The following DRC11 variants were observed in gnomAD, a reference collection of about 807,000 sequenced individuals.
DRC11 encodes IQ and AAA domain-containing protein 1.
chr2:236,423,779 T>G, the DRC11 span, among the ~76,000 whole-genome samples: 5 of 152,140 alleles, frequency 3.3e-5, no homozygotes, highest in Non-Finnish European at 7.3e-5. Context: ...CTATTCACTA[T>G]AGCAAAGACT....
At chr2:236,340,990 A>G in the DRC11 span, among the ~76,000 whole-genome samples, 2 of 152,146 alleles carry the variant, frequency 1.3e-5, no homozygotes, top group African/African-American at 4.8e-5. Flanking sequence ...CCATCATGCC[A>G]GCAAACCACC....
At chr2:236,440,394 G>A in the DRC11 span, among the ~76,000 whole-genome samples, 2 of 152,108 alleles carry the variant, frequency 1.3e-5, no homozygotes, top group African/African-American at 4.8e-5. Flanking sequence ...TGCCTCTAAT[G>A]CCTCATCATT....
the DRC11 span, among the ~76,000 whole-genome samples, chr2:236,430,977 AT>A: frequency 6.6e-6 from 1 of 152,094 alleles, no homozygotes; most frequent in Non-Finnish European, 1.5e-5. The surrounding 1 kb of genome is among the most constrained non-coding windows in gnomAD (Gnocchi z 6.0). Flanking sequence ...GTCAGCCATC[AT>A]TTTTTTGGGC....
At chr2:236,355,896 A>G in the DRC11 span, among the ~76,000 whole-genome samples, 3 of 152,080 alleles carry the variant, frequency 2.0e-5, no homozygotes, top group Non-Finnish European at 4.4e-5. Context: ...CTCTGCTGAC[A>G]CCTGGACTAG....
chr2:236,418,785 C>G, the DRC11 span, among the ~76,000 whole-genome samples: 28 of 152,162 alleles, frequency 1.8e-4, no homozygotes, highest in African/African-American at 5.3e-4. Context: ...TTTTGACTTT[C>G]CAGTGTTTAC....
the DRC11 span, among the ~76,000 whole-genome samples, chr2:236,468,995 T>C: frequency 1.3e-5 from 2 of 152,184 alleles, no homozygotes; most frequent in Non-Finnish European, 2.9e-5. Context: ...TAAAAATGAA[T>C]GAATGAGCAG....
chr2:236,470,490 G>C, the DRC11 span, among the ~76,000 whole-genome samples: 1 of 152,220 alleles, frequency 6.6e-6, no homozygotes, highest in East Asian at 1.9e-4. The surrounding 1 kb of genome is among the most constrained non-coding windows in gnomAD (Gnocchi z 5.1). Context: ...CAGATCATTG[G>C]GCTCGCCACA....
At chr2:236,338,076 C>A in the DRC11 span, 2 of 816,610 alleles carry the variant, frequency 2.4e-6, no homozygotes, top group Non-Finnish European at 3.8e-6. Context: ...GGTGCACACA[C>A]CCCACCGGGT....
At chr2:236,388,883 G>C in the DRC11 span, among the ~76,000 whole-genome samples, 1 of 152,074 alleles carries the variant, frequency 6.6e-6, no homozygotes, top group African/African-American at 2.4e-5. Context: ...TTCTAACAGA[G>C]AGGACCCTCA....
At chr2:236,499,074 C>T in the DRC11 span, among the ~76,000 whole-genome samples, 5 of 152,262 alleles carry the variant, frequency 3.3e-5, no homozygotes, top group Non-Finnish European at 5.9e-5. The surrounding 1 kb of genome is among the most constrained non-coding windows in gnomAD (Gnocchi z 4.7). Context: ...AGAAGCAAGC[C>T]GGTCAAGGGG....
At chr2:236,369,706 C>T in the DRC11 span, among the ~76,000 whole-genome samples, 8 of 152,168 alleles carry the variant, frequency 5.3e-5, no homozygotes, top group Non-Finnish European at 8.8e-5. The surrounding 1 kb of genome is among the most constrained non-coding windows in gnomAD (Gnocchi z 4.5). Context: ...ACAAGTAGCC[C>T]CGGCTGCCTG....
At chr2:236,348,707 T>C in the DRC11 span, among the ~76,000 whole-genome samples, 1 of 152,188 alleles carries the variant, frequency 6.6e-6, no homozygotes, top group Non-Finnish European at 1.5e-5. The surrounding 1 kb of genome is among the most constrained non-coding windows in gnomAD (Gnocchi z 7.4). Context: ...TGTCTGGCGT[T>C]AGCAGTTTTG....
chr2:236,325,267 C>T, the DRC11 span, among the ~76,000 whole-genome samples: 2 of 152,174 alleles, frequency 1.3e-5, no homozygotes, highest in Non-Finnish European at 2.9e-5. The surrounding 1 kb of genome is among the most constrained non-coding windows in gnomAD (Gnocchi z 4.4). Context: ...GCATTTTTCT[C>T]AACCTTTGCG....
the DRC11 span, among the ~76,000 whole-genome samples, chr2:236,449,724 T>C: frequency 6.6e-6 from 1 of 152,204 alleles, no homozygotes; most frequent in South Asian, 2.1e-4. This position sits in a 1 kb window ranked among gnomAD's most constrained non-coding sequence, Gnocchi z 5.1. Context: ...GGCAACACTC[T>C]CTTGGAGGCC....
the DRC11 span, among the ~76,000 whole-genome samples, chr2:236,446,273 A>C: frequency 2.6e-5 from 4 of 152,278 alleles, no homozygotes; most frequent in African/African-American, 7.2e-5. This position sits in a 1 kb window ranked among gnomAD's most constrained non-coding sequence, Gnocchi z 6.2. Flanking sequence ...TCAGCACGCT[A>C]CACGAGGTGT....
At chr2:236,357,386 G>A in the DRC11 span, among the ~76,000 whole-genome samples, 1 of 113,174 alleles carries the variant, frequency 8.8e-6, no homozygotes, top group Non-Finnish European at 1.6e-5. Flanking sequence ...ATATAGTATA[G>A]ATATTATATA....
chr2:236,426,014 C>T, the DRC11 span, among the ~76,000 whole-genome samples: 1 of 151,976 alleles, frequency 6.6e-6, no homozygotes, highest in Non-Finnish European at 1.5e-5. The surrounding 1 kb of genome is among the most constrained non-coding windows in gnomAD (Gnocchi z 4.1). Flanking sequence ...ATGCCAGTAT[C>T]ACGCTGTTTT....
chr2:236,325,114 C>T, the DRC11 span, among the ~76,000 whole-genome samples: 1 of 152,270 alleles, frequency 6.6e-6, no homozygotes, highest in East Asian at 1.9e-4. The surrounding 1 kb of genome is among the most constrained non-coding windows in gnomAD (Gnocchi z 4.4). Context: ...GTGAAGGGTG[C>T]TCATGGTTCA....
chr2:236,309,253 C>T, the DRC11 span, among the ~76,000 whole-genome samples: 144 of 152,322 alleles, frequency 9.5e-4, no homozygotes, highest in African/African-American at 3.2e-3. The surrounding 1 kb of genome is among the most constrained non-coding windows in gnomAD (Gnocchi z 5.7). Flanking sequence ...AGAACCACAC[C>T]GTGCATCACA....
Sources: gnomAD v4.1 joint callset for allele counts (sites outside exome capture counted in the v4.1 genomes callset) on GRCh38, gnomAD v4.1.1 for gene constraint, Gnocchi (gnomAD v3.1) non-coding constraint, MANE v1.5 for transcripts, NCBI Gene and HGNC (gene_info 2026-07-23, HGNC 2026-07-21) for gene names.